The following BABAM2 variants were observed in gnomAD, a reference collection of about 807,000 sequenced individuals.
BABAM2 encodes the protein BRISC and BRCA1-A complex member 2.
BABAM2 carries 31 observed loss-of-function variants against 54.7 expected under a neutral mutation model. The ratio of observed to expected loss-of-function variants is 0.57; its 90% CI spans 0.43 to 0.77. The LOEUF is 0.77. BABAM2 is among the 30% of genes least tolerant of loss of function. BABAM2 has a pLI of 0.00. For missense variants in BABAM2, 364 were observed against 455.8 expected, an observed-to-expected ratio of 0.80 and a Z score of 1.83; for synonymous variants, 167 against 162.9, an observed-to-expected ratio of 1.03 and a Z score of -0.19.
intron 10 of BABAM2, among the ~76,000 whole-genome samples, chr2:28,280,453 C>T (rs376693077): frequency 2.3e-3 from 348 of 152,122 alleles, no homozygotes; most frequent in Middle Eastern, 0.014. Flanking sequence ...GTCCCATGGT[C>T]AAGAATACTC....
chr2:28,088,254 A>G (rs17758988), intron 6 of BABAM2, among the ~76,000 whole-genome samples: 31,319 of 152,192 alleles, frequency 0.21, 4,067 homozygotes, highest in Middle Eastern at 0.32. Flanking sequence ...ATCTATAATT[A>G]ATCACTAGTA....
intron 7 of BABAM2, among the ~76,000 whole-genome samples, chr2:28,210,344 T>C (rs1251088279): frequency 2.6e-5 from 4 of 152,174 alleles, no homozygotes; most frequent in Admixed American, 2.6e-4. Context: ...GAAAACAACA[T>C]ATGAAGTGCT....
At chr2:28,081,426 A>G (rs1210451400) in intron 6 of BABAM2, among the ~76,000 whole-genome samples, 1 of 152,232 alleles carries the variant, frequency 6.6e-6, no homozygotes, top group Non-Finnish European at 1.5e-5. Context: ...CTGTGTTGAG[A>G]AGATGCTTTC....
At chr2:27,921,914 C>CT (rs1667371355) in intron 2 of BABAM2, among the ~76,000 whole-genome samples, 1 of 152,108 alleles carries the variant, frequency 6.6e-6, no homozygotes, top group Non-Finnish European at 1.5e-5. Context: ...AATCAACAGT[C>CT]TTTTTTTCTT....
At chr2:28,300,372 T>C (rs1688015779) in intron 11 of BABAM2, among the ~76,000 whole-genome samples, 1 of 152,206 alleles carries the variant, frequency 6.6e-6, no homozygotes, top group African/African-American at 2.4e-5. Context: ...TTTTTATCCG[T>C]GACACCCAAG....
chr2:27,890,466 C>A (rs114146461), upstream of BABAM2: 1,314 of 924,822 alleles, frequency 1.4e-3, 10 homozygotes, highest in African/African-American at 0.018. The surrounding 1 kb of genome is among the most constrained non-coding windows in gnomAD (Gnocchi z 4.8). Context: ...CTACGCGGGT[C>A]GCCCACCTGA....
chr2:28,289,961 G>GT (rs768887607), intron 10 of BABAM2, among the ~76,000 whole-genome samples: 3 of 151,998 alleles, frequency 2.0e-5, no homozygotes, highest in Non-Finnish European at 4.4e-5. Context: ...ACCCACAGAG[G>GT]TAACCACTAC....
At chr2:28,334,339 G>A (rs777611184) in intron 11 of BABAM2, among the ~76,000 whole-genome samples, 32 of 152,244 alleles carry the variant, frequency 2.1e-4, no homozygotes, top group Non-Finnish European at 3.7e-4. Context: ...GGAGGTAAGT[G>A]GAGGGCTCCC....
At chr2:27,999,444 G>T (rs1673413720) in intron 4 of BABAM2, among the ~76,000 whole-genome samples, 1 of 152,182 alleles carries the variant, frequency 6.6e-6, no homozygotes, top group Non-Finnish European at 1.5e-5. Context: ...AAGCCAGTTG[G>T]CTTGGAGTAG....
At chr2:28,015,094 A>G (rs1267905253) in intron 4 of BABAM2, among the ~76,000 whole-genome samples, 4 of 152,206 alleles carry the variant, frequency 2.6e-5, no homozygotes, top group Non-Finnish European at 5.9e-5. Flanking sequence ...TCAAAGCAGC[A>G]TATGACAGCA....
At chr2:27,931,515 C>T (rs1165345970) in intron 3 of BABAM2, among the ~76,000 whole-genome samples, 1 of 152,130 alleles carries the variant, frequency 6.6e-6, no homozygotes, top group Non-Finnish European at 1.5e-5. Flanking sequence ...CCTGTTTTCC[C>T]TATGCCCCTT....
intron 2 of BABAM2, among the ~76,000 whole-genome samples, chr2:27,909,019 G>A (rs1666391594): frequency 6.6e-6 from 1 of 151,884 alleles, no homozygotes; most frequent in Non-Finnish European, 1.5e-5. Flanking sequence ...GTTTACTGAT[G>A]TTCAGCATCT....
At chr2:28,244,440 A>G (rs987301167) in intron 9 of BABAM2, among the ~76,000 whole-genome samples, 4 of 115,218 alleles carry the variant, frequency 3.5e-5, no homozygotes, top group Non-Finnish European at 7.9e-5. Context: ...TCACATTTGT[A>G]TAGTATTTTA....
intron 10 of BABAM2, among the ~76,000 whole-genome samples, chr2:28,258,131 C>T (rs1294299084): frequency 3.9e-5 from 6 of 151,992 alleles, no homozygotes; most frequent in African/African-American, 9.7e-5. Context: ...GAGCTGAGAT[C>T]GCACCACTGC....
At chr2:28,048,588 CTCT>C (rs1233521132) in intron 6 of BABAM2, among the ~76,000 whole-genome samples, 6 of 152,126 alleles carry the variant, frequency 3.9e-5, no homozygotes, top group Non-Finnish European at 1.5e-5. Flanking sequence ...CATACAAATC[CTCT>C]TCTTCTGTGG....
chr2:27,991,112 CA>C (rs1672746320), intron 4 of BABAM2, among the ~76,000 whole-genome samples: 2 of 151,988 alleles, frequency 1.3e-5, no homozygotes, highest in Admixed American at 1.3e-4. Flanking sequence ...CAGTGGTTCC[CA>C]ATTCTAGATA....
In BABAM2 at chr2:27,890,896, C is replaced by G. The variant is rs964749228; in HGVS notation, c.-25+54C>G. On this transcript the variant is annotated intron_variant, in intron 1 of 11. Transcript: ENST00000379624. The surrounding 1 kb of genome is among the most constrained non-coding windows in gnomAD (Gnocchi z 4.8). ...GTTGGATCCCGAGTCGCACAGGTGG[C>G]GTGGAGAACTGTGGTTTAAATATGG... 1 of 152,610 alleles carries G rather than the reference C, an allele frequency of 6.6e-6. No homozygotes were observed. The highest frequency in any genetic ancestry group is 1.5e-5 in the Non-Finnish European group (1 of 68,106). The allele number at this position is 152,610 out of a possible 1,614,324, so 9.5% of individuals were successfully genotyped here.
intron 5 of BABAM2, among the ~76,000 whole-genome samples, chr2:28,041,822 C>G (rs1452725879): frequency 6.6e-6 from 1 of 152,054 alleles, no homozygotes; most frequent in Non-Finnish European, 1.5e-5. Context: ...GGATTAGAAT[C>G]CAAGTGACAT....
At chr2:27,954,471 G>A (rs951446121) in intron 3 of BABAM2, among the ~76,000 whole-genome samples, 3 of 152,154 alleles carry the variant, frequency 2.0e-5, no homozygotes, top group African/African-American at 7.2e-5. Flanking sequence ...CTTTATAAAG[G>A]TGAAATACTA....
Sources: allele counts gnomAD v4.1 joint callset (sites outside exome capture counted in the v4.1 genomes callset), GRCh38; gene constraint gnomAD v4.1.1; non-coding constraint Gnocchi (gnomAD v3.1); transcripts MANE v1.5; gene names NCBI Gene and HGNC (gene_info 2026-07-23, HGNC 2026-07-21).